The following PPIL4 variants were observed in gnomAD, a reference collection of about 807,000 sequenced individuals.
PPIL4 encodes peptidylprolyl isomerase like 4.
In PPIL4, 50 loss-of-function variants were observed where a neutral mutation model predicts 69.1. The observed-to-expected ratio is 0.72, with a 90% CI of 0.58 to 0.92. The LOEUF is 0.92. Among genes scored for constraint, PPIL4 ranks in the 40% least tolerant of loss-of-function variants. The probability of loss-of-function intolerance (pLI) is 0.00; values close to 1 mark genes in which losing one functional copy is unlikely to be tolerated. For synonymous variants in PPIL4, 193 were observed against 191.6 expected (o/e 1.01, Z -0.06); for missense variants, 480 against 587.9 (o/e 0.82, Z 1.90).
chr6:149,541,169 T>A, intron 3 of PPIL4, 110 bp from the exon 4 acceptor site: 1 of 620,228 alleles, frequency 1.6e-6, no homozygotes. Flanking sequence ...CCAACAGAAT[T>A]CAAAATATTA....
At chr6:149,545,701 C>A (rs1231278977) in intron 1 of PPIL4, among the ~76,000 whole-genome samples, 1 of 152,212 alleles carries the variant, frequency 6.6e-6, no homozygotes, top group Non-Finnish European at 1.5e-5. Flanking sequence ...CCGCAAGCAC[C>A]GTCCACCGGA....
chr6:149,530,948 A>G (rs1272708436), intron 7 of PPIL4, among the ~76,000 whole-genome samples: 2 of 152,232 alleles, frequency 1.3e-5, no homozygotes, highest in Admixed American at 6.5e-5. Context: ...TCATCTTCCA[A>G]TGAATATCGT....
chr6:149,545,950 T>C lies in PPIL4; in HGVS notation c.56A>G (p.Glu19Gly). 6.3e-7 allele frequency: 1 copy of C among 1,589,790 alleles called. No individual in the cohort carries two copies. The highest frequency in any genetic ancestry group is 8.6e-7 in the Non-Finnish European group (1 of 1,165,774). The change falls in exon 1 of 13, where the codon GAA becomes GGA. Residue 19 changes from glutamate (E) to glycine (G), a missense_variant. Glu to Gly is a moderately conservative substitution (Grantham distance 98). Coordinates refer to ENST00000253329, the MANE Select transcript of PPIL4 (RefSeq NM_139126.4). ...TCAAGCCTCACCACGCGGCCGTTCT[T>C]CGGTGTACAAGTCGATGACGACGTC... Reference protein sequence around the residue: ...LGDVVIDLYTEERPRACLNFL... With the variant: ...LGDVVIDLYTGERPRACLNFL...
At position 149,535,811 on chromosome 6, in the gene PPIL4, C is replaced by CA. The variant is rs1280476923; in HGVS notation, c.322-74dup. On this transcript the variant is annotated intron_variant, in intron 4 of 12. Transcript: ENST00000253329. ...CAAACTGAAATCAGTTACAGACTGA[C>CA]AAAAAAATACATGAAAGTTAAGAGT... 6.0e-6 allele frequency: 6 copies of CA among 999,150 alleles called. No homozygotes were observed. The Admixed American group carries it at 7.6e-5, about 13-fold the overall frequency. The allele number at this position is 999,150 out of a possible 1,614,324, so 61.9% of individuals were successfully genotyped here.
intron 2 of PPIL4, 31 bp from the exon 3 acceptor site, chr6:149,541,462 C>A (rs778226794): frequency 2.6e-6 from 4 of 1,552,232 alleles, no homozygotes; most frequent in Non-Finnish European, 3.5e-6. Context: ...TGTTAATTCA[C>A]AGAGTTTGTT....
intron 1 of PPIL4, among the ~76,000 whole-genome samples, chr6:149,543,212 T>C (rs1393692600): frequency 2.0e-5 from 3 of 152,198 alleles, no homozygotes; most frequent in Non-Finnish European, 4.4e-5. Context: ...CACTATCTTA[T>C]ATGAAATATT....
intron 9 of PPIL4, among the ~76,000 whole-genome samples, chr6:149,522,030 A>G (rs1777037431): frequency 6.6e-6 from 1 of 152,380 alleles, no homozygotes; most frequent in African/African-American, 2.4e-5. Flanking sequence ...TTACATGTCA[A>G]TAATTAAATG....
chr6:149,510,179 T>A (rs186578063), intron 12 of PPIL4, among the ~76,000 whole-genome samples: 5 of 152,228 alleles, frequency 3.3e-5, no homozygotes, highest in Non-Finnish European at 7.3e-5. Flanking sequence ...TAAAGGGCTA[T>A]AGAAAGAAGA....
At chr6:149,536,782 G>C (rs1487747202) in intron 4 of PPIL4, among the ~76,000 whole-genome samples, 1 of 151,414 alleles carries the variant, frequency 6.6e-6, no homozygotes, top group Admixed American at 6.6e-5. Context: ...GAAAGAAGCT[G>C]TCTCCATAAT....
At chr6:149,506,740 A>G (rs1405909363) in intron 12 of PPIL4, among the ~76,000 whole-genome samples, 3 of 152,074 alleles carry the variant, frequency 2.0e-5, no homozygotes, top group African/African-American at 7.2e-5. Context: ...GACCACAGGC[A>G]TGTGCCATCA....
intron 1 of PPIL4, among the ~76,000 whole-genome samples, chr6:149,543,876 C>T (rs1034691449): frequency 6.6e-6 from 1 of 152,062 alleles, no homozygotes; most frequent in African/African-American, 2.4e-5. Context: ...ATTCTCTCTA[C>T]ATCTGTGTTT....
Position 149,521,154 on chromosome 6 carries a change from T to C in PPIL4, c.888A>G (p.Lys296=). ...IEFEKEEDCE[K]AFFKMDNVLI... ...GCACATTGTCCATTTTGAAGAATGCTTTCTCACAATCTTCTTCCTGATAAT... is the reference window on the plus strand; with the variant it reads ...GCACATTGTCCATTTTGAAGAATGCCTTCTCACAATCTTCTTCCTGATAAT... The change falls in exon 10 of 13, where the codon AAA becomes AAG. Residue 296 remains lysine, a synonymous_variant. Coordinates refer to ENST00000253329, the MANE Select transcript of PPIL4 (RefSeq NM_139126.4). The C allele has an allele frequency of 6.4e-7, 1 of 1,570,774 alleles. No homozygotes were observed. The highest frequency in any genetic ancestry group is 8.7e-7 in the Non-Finnish European group (1 of 1,146,550).
Position 149,505,581 on chromosome 6 carries a change from C to T in PPIL4, c.1351G>A (p.Gly451Ser), listed in dbSNP as rs1352774585. 2 of 1,613,994 alleles carry T rather than the reference C, an allele frequency of 1.2e-6. No homozygotes were observed. Among genetic ancestry groups the T allele is most frequent in the Admixed American group, 1.7e-5 (1 of 60,004 alleles). ...RSRSRSRERD[G>S]HYSNSHKSKY... is the part of the protein sequence containing the mutation. ...GATTTATGACTATTACTATAATGGCCATCCCTCTCTCGAGATCGGCTACGA... is the reference window on the plus strand; with the variant it reads ...GATTTATGACTATTACTATAATGGCTATCCCTCTCTCGAGATCGGCTACGA... The change falls in exon 13 of 13, where the codon GGC becomes AGC. Residue 451 changes from glycine to serine, a missense_variant. Physicochemically the swap from Gly to Ser is moderately conservative, Grantham distance 56. Transcript: ENST00000253329.
At chr6:149,512,065 C>T in intron 12 of PPIL4, 90 bp downstream of exon 12, 1 of 1,106,194 alleles carries the variant, frequency 9.0e-7, no homozygotes. Context: ...TAGAACTATC[C>T]CTTACCTCCT....
chr6:149,510,976 T>C (rs2115026906), intron 12 of PPIL4, among the ~76,000 whole-genome samples: 1 of 152,292 alleles, frequency 6.6e-6, no homozygotes, highest in East Asian at 1.9e-4. Context: ...AGGATGAAAC[T>C]GTGGCTCAGA....
At chr6:149,534,457 T>A (rs1777243965) in intron 6 of PPIL4, among the ~76,000 whole-genome samples, 1 of 152,162 alleles carries the variant, frequency 6.6e-6, no homozygotes, top group African/African-American at 2.4e-5. Flanking sequence ...AGAGCTGAGG[T>A]TGTCTCAGTA....
In PPIL4 at chr6:149,545,802, T is replaced by C. The variant is rs114977936; in HGVS notation, c.70+134A>G. 976 of 778,588 alleles carry C rather than the reference T, an allele frequency of 1.3e-3. 7 individuals carry two copies. In the African/African-American group the frequency reaches 0.015, roughly 12 times the overall value. The allele number at this position is 778,588 out of a possible 1,614,324, so 48.2% of individuals were successfully genotyped here. ...TTCTAGCCAAGGCCGGTTAATAAAATAGCCCAGTCGCGGGCACCAGCAGCC... is the reference window on the plus strand; with the variant it reads ...TTCTAGCCAAGGCCGGTTAATAAAACAGCCCAGTCGCGGGCACCAGCAGCC... On this transcript the variant is annotated intron_variant, in intron 1 of 12. Coordinates refer to ENST00000253329, the MANE Select transcript of PPIL4 (RefSeq NM_139126.4).
chr6:149,526,817 T>C (rs1306191683), intron 7 of PPIL4, 41 bp from the exon 8 acceptor site: 1 of 1,590,134 alleles, frequency 6.3e-7, no homozygotes, highest in Non-Finnish European at 8.6e-7. Context: ...AATTCCTATT[T>C]AGTTTCCATT....
At position 149,506,370 on chromosome 6, in the gene PPIL4, G is replaced by A. The variant is rs531003824; in HGVS notation, c.1228-666C>T. 2.6e-5 allele frequency among the ~76,000 whole-genome samples: 4 copies of A among 152,256 alleles called. 1 individual carries two copies. In the South Asian group the frequency reaches 8.3e-4, roughly 32 times the overall value. On this transcript the variant is annotated intron_variant, in intron 12 of 12. Transcript: ENST00000253329. The stretch of plus-strand genomic sequence containing the variant: ...GCCTGTAATCCCAGCTACTCGGGAG[G>A]CTGAGGCAGGAGAATTGCTTGAACC...
Sources: gnomAD v4.1 joint callset for allele counts (sites outside exome capture counted in the v4.1 genomes callset) on GRCh38, gnomAD v4.1.1 for gene constraint, MANE v1.5 for transcripts, NCBI Gene and HGNC (gene_info 2026-07-23, HGNC 2026-07-21) for gene names.